Variants in MAPK10 observed in about 807,000 individuals in gnomAD.
The protein encoded by MAPK10 is JNK3 alpha protein kinase.
A neutral mutation model predicts 59.3 loss-of-function variants in MAPK10; 25 were observed. That is an observed-to-expected ratio of 0.42 (90% confidence interval 0.31 to 0.59). MAPK10 has a LOEUF of 0.59. Among genes scored for constraint, MAPK10 ranks in the 20% least tolerant of loss-of-function variants. The pLI is 0.15. For synonymous variants in MAPK10, 190 were observed against 200.5 expected, an observed-to-expected ratio of 0.95 and a Z score of 0.44; for missense variants, 351 against 568.9, an observed-to-expected ratio of 0.62 and a Z score of 3.90.
intron 1 of MAPK10, among the ~76,000 whole-genome samples, chr4:86,582,274 T>TA (rs1762363457): frequency 6.6e-6 from 1 of 151,760 alleles, no homozygotes; most frequent in Non-Finnish European, 1.5e-5. Context: ...GCAAATTTGC[T>TA]AATACGTTTT....
In MAPK10 at chr4:86,076,874, A is replaced by G. The variant is rs937058545; in HGVS notation, c.803-8919T>C. Reference sequence around the variant, plus strand: ...TTTATTTGCTTTAGAATACCCATAAATTACCATTTTTATACCACATAGAGT... The same window carrying G: ...TTTATTTGCTTTAGAATACCCATAAGTTACCATTTTTATACCACATAGAGT... On this transcript the variant is annotated intron_variant, in intron 9 of 13. Transcript: ENST00000641462. 3.3e-5 allele frequency among the ~76,000 whole-genome samples: 5 copies of G among 152,196 alleles called. 1 individual carries two copies. Among genetic ancestry groups the G allele is most frequent in the East Asian group, 3.8e-4 (2 of 5,204 alleles).
intron 2 of MAPK10, among the ~76,000 whole-genome samples, chr4:86,349,498 C>G (rs898228480): frequency 2.0e-5 from 3 of 152,048 alleles, no homozygotes; most frequent in Admixed American, 2.0e-4. Flanking sequence ...CAAAATACCC[C>G]CTGGCTAAGG....
intron 9 of MAPK10, among the ~76,000 whole-genome samples, chr4:86,076,293 T>A (rs1186945541): frequency 6.6e-6 from 1 of 152,182 alleles, no homozygotes. Context: ...GCCCACTGTC[T>A]GGCACTCCCT....
chr4:86,575,990 T>C (rs1187240091), intron 1 of MAPK10, among the ~76,000 whole-genome samples: 4 of 139,432 alleles, frequency 2.9e-5, no homozygotes, highest in Admixed American at 7.4e-5. Flanking sequence ...TAATATTGTG[T>C]GTGTATGCGT....
chr4:86,354,102 T>TGGTG (rs1554241418), intron 2 of MAPK10, among the ~76,000 whole-genome samples: 22 of 148,116 alleles, frequency 1.5e-4, no homozygotes, highest in South Asian at 2.1e-4. Context: ...AAGAGCTAAA[T>TGGTG]TGTGTGTGTG....
At chr4:86,304,387 C>CTT (rs1162506350) in intron 2 of MAPK10, among the ~76,000 whole-genome samples, 1,855 of 112,404 alleles carry the variant, frequency 0.017, 2 homozygotes, top group African/African-American at 0.02. Context: ...TGGAGTATTT[C>CTT]TTTTTTTTTT....
chr4:86,059,344 A>G (rs1178976956), intron 11 of MAPK10, among the ~76,000 whole-genome samples: 1 of 152,242 alleles, frequency 6.6e-6, no homozygotes, highest in African/African-American at 2.4e-5. Context: ...CAAAAATAAC[A>G]TAATCCCTAA....
chr4:86,258,334 ATG>A (rs2093839473), intron 2 of MAPK10, among the ~76,000 whole-genome samples: 1 of 152,058 alleles, frequency 6.6e-6, no homozygotes, highest in South Asian at 2.1e-4. Flanking sequence ...TTCTCCATTT[ATG>A]TACTATTCTC....
Position 86,173,925 on chromosome 4 carries a change from C to T in MAPK10, c.67-14458G>A, listed in dbSNP as rs187052375. On this transcript the variant is annotated intron_variant, in intron 3 of 13. Coordinates refer to ENST00000641462, the MANE Select transcript of MAPK10 (RefSeq NM_138982.4). The stretch of plus-strand genomic sequence containing the variant: ...GCAAATCAAAACCACAATGAGATAA[C>T]ATCTCACACCAGTCAGAATGGCAAT... Among the ~76,000 whole-genome samples the T allele has an allele frequency of 8.4e-3, 1,040 of 124,154 alleles. 11 individuals are homozygous for T. Among genetic ancestry groups the T allele is most frequent in the Non-Finnish European group, 0.013 (791 of 58,742 alleles). The allele number at this position is 124,154 out of a possible 152,430, so 81.4% of individuals were successfully genotyped here.
chr4:86,397,864 CAAAAAAAAAAAAAA>C (rs759585442), intron 1 of MAPK10, among the ~76,000 whole-genome samples: 1 of 51,756 alleles, frequency 1.9e-5, no homozygotes, highest in African/African-American at 6.1e-5. Flanking sequence ...TCTGCTATGG[CAAAAAAAAAAAAAA>C]AAAAAAAAAA....
intron 1 of MAPK10, among the ~76,000 whole-genome samples, chr4:86,407,522 T>C (rs1266498511): frequency 1.3e-5 from 2 of 152,194 alleles, no homozygotes; most frequent in Non-Finnish European, 2.9e-5. Flanking sequence ...GAGTTTATGA[T>C]GTCAACTACT....
chr4:86,260,036 G>A (rs2093923737), intron 2 of MAPK10, among the ~76,000 whole-genome samples: 1 of 152,062 alleles, frequency 6.6e-6, no homozygotes, highest in Non-Finnish European at 1.5e-5. Context: ...TTGGCTTCAA[G>A]TAAGTTAATA....
intron 1 of MAPK10, among the ~76,000 whole-genome samples, chr4:86,409,387 T>C (rs1744825961): frequency 1.3e-5 from 2 of 152,148 alleles, no homozygotes; most frequent in Admixed American, 6.5e-5. Flanking sequence ...ATGCAGGCTC[T>C]TTTTTTGGTT....
intron 2 of MAPK10, among the ~76,000 whole-genome samples, chr4:86,317,076 TG>T (rs2095802271): frequency 6.6e-6 from 1 of 152,138 alleles, no homozygotes; most frequent in Non-Finnish European, 1.5e-5. Flanking sequence ...AGTAGGGCAC[TG>T]GCACATCCAA....
intron 2 of MAPK10, among the ~76,000 whole-genome samples, chr4:86,207,789 C>T (rs7684570): frequency 1.3e-5 from 2 of 151,938 alleles, no homozygotes; most frequent in African/African-American, 2.4e-5. Context: ...ATTCCTAGGT[C>T]TTTTATTCTC....
At chr4:86,115,296 C>T (rs1204960891) in intron 4 of MAPK10, among the ~76,000 whole-genome samples, 2 of 152,148 alleles carry the variant, frequency 1.3e-5, no homozygotes, top group African/African-American at 4.8e-5. Context: ...GTGGGAGTTC[C>T]CCTTATCCCA....
rs573982423 is a variant in MAPK10, at chr4:86,344,002, T to A, written c.-7+10528A>T. ...TTATAAAATGGTAAATACCAGTGGCTACAACAAAAATTCTTTAGGTTTCTC... is the reference window on the plus strand; with the variant it reads ...TTATAAAATGGTAAATACCAGTGGCAACAACAAAAATTCTTTAGGTTTCTC... On this transcript the variant is annotated intron_variant, in intron 2 of 13. Coordinates refer to ENST00000641462, the MANE Select transcript of MAPK10 (RefSeq NM_138982.4). 1.8e-4 allele frequency among the ~76,000 whole-genome samples: 28 copies of A among 152,334 alleles called. No individual in the cohort carries two copies. In the South Asian group the frequency reaches 5.6e-3, roughly 30 times the overall value.
At chr4:86,153,861 AT>A (rs527673654) in intron 4 of MAPK10, among the ~76,000 whole-genome samples, 266 of 152,258 alleles carry the variant, frequency 1.7e-3, no homozygotes, top group African/African-American at 6.0e-3. Context: ...AAAAGACAGT[AT>A]TTTGAAGCTC....
intron 4 of MAPK10, among the ~76,000 whole-genome samples, chr4:86,137,993 T>A (rs1189983625): frequency 2.0e-4 from 23 of 116,624 alleles, no homozygotes; most frequent in Admixed American, 2.8e-4. Context: ...AGGAAGAAGT[T>A]GAATCTCTGA....
Sources: gnomAD v4.1 joint callset for allele counts (sites outside exome capture counted in the v4.1 genomes callset) on GRCh38, gnomAD v4.1.1 for gene constraint, MANE v1.5 for transcripts, NCBI Gene and HGNC (gene_info 2026-07-23, HGNC 2026-07-21) for gene names.